Variants in RABGAP1L observed in about 807,000 individuals in gnomAD.
RABGAP1L encodes the protein RAB GTPase activating protein 1 like.
In RABGAP1L, 63 loss-of-function variants were observed where a neutral mutation model predicts 137.7. The observed-to-expected ratio is 0.46, with a 90% CI of 0.37 to 0.56. The LOEUF (loss-of-function observed/expected upper bound fraction) is 0.56, where lower values mean the gene tolerates loss of function less well. RABGAP1L is among the 20% of genes least tolerant of loss of function. RABGAP1L has a pLI of 0.00. For missense variants in RABGAP1L, 1,095 were observed against 1,244.0 expected, an observed-to-expected ratio of 0.88 and a Z score of 1.80; for synonymous variants, 431 against 433.7, an observed-to-expected ratio of 0.99 and a Z score of 0.08.
intron 10 of RABGAP1L, among the ~76,000 whole-genome samples, chr1:174,300,656 T>C (rs1375316176): frequency 6.6e-6 from 1 of 152,082 alleles, no homozygotes; most frequent in Non-Finnish European, 1.5e-5. Flanking sequence ...CTTATGCCTG[T>C]ATTCCTAGCA....
Position 174,514,782 on chromosome 1 carries a change from T to A in RABGAP1L, c.1710+120637T>A, listed in dbSNP as rs115860596. Among the ~76,000 whole-genome samples the A allele has an allele frequency of 2.2e-3, 333 of 152,298 alleles. 1 individual carries two copies. The highest frequency in any genetic ancestry group is 7.6e-3 in the African/African-American group (315 of 41,592). ...CAATTCTTTCTGATGGGTTTTTGAT[T>A]GGATCCAAATTTGCAGGCTGGGCCC... On this transcript the variant is annotated intron_variant, in intron 13 of 25. Coordinates refer to ENST00000681986, the MANE Select transcript of RABGAP1L (RefSeq NM_001366446.1).
At chr1:174,170,916 C>A (rs1665327790) in intron 1 of RABGAP1L, among the ~76,000 whole-genome samples, 1 of 152,128 alleles carries the variant, frequency 6.6e-6, no homozygotes, top group Non-Finnish European at 1.5e-5. Flanking sequence ...CCAAAGAAAT[C>A]TTTGAAATCT....
At chr1:174,254,515 G>A (rs1459367240) in intron 7 of RABGAP1L, among the ~76,000 whole-genome samples, 3 of 152,108 alleles carry the variant, frequency 2.0e-5, no homozygotes, top group Non-Finnish European at 2.9e-5. Flanking sequence ...AGGCCCCGGT[G>A]TATGATGTTA....
chr1:174,162,777 G>GTTTTTTTTTTTTT (rs67811794), intron 1 of RABGAP1L, among the ~76,000 whole-genome samples: 25 of 51,554 alleles, frequency 4.8e-4, no homozygotes, highest in Middle Eastern at 0.019. Context: ...TTCTCTTTCT[G>GTTTTTTTTTTTTT]TTTTTTTTTT....
chr1:174,225,494 C>CTTTTTTTT (rs59323156), intron 3 of RABGAP1L, among the ~76,000 whole-genome samples: 1 of 105,712 alleles, frequency 9.5e-6, no homozygotes, highest in African/African-American at 3.5e-5. Context: ...AGAATGTTGA[C>CTTTTTTTT]TTTTTTTTTT....
chr1:174,206,026 CTT>C (rs1213729663), intron 1 of RABGAP1L, among the ~76,000 whole-genome samples: 1 of 152,164 alleles, frequency 6.6e-6, no homozygotes, highest in Non-Finnish European at 1.5e-5. Context: ...CTAGGGTTTA[CTT>C]TTCTCTCTCA....
chr1:174,894,101 G>A (rs937410365), intron 19 of RABGAP1L, among the ~76,000 whole-genome samples: 1 of 152,088 alleles, frequency 6.6e-6, no homozygotes, highest in Non-Finnish European at 1.5e-5. Context: ...TGATAATTTC[G>A]GATTCCATAT....
chr1:174,710,257 G>A (rs2148550713), intron 17 of RABGAP1L, among the ~76,000 whole-genome samples: 1 of 152,288 alleles, frequency 6.6e-6, no homozygotes, highest in Non-Finnish European at 1.5e-5. Flanking sequence ...TTATCCAGGA[G>A]AACTTCTCCA....
At chr1:174,645,593 C>T (rs1572663301) in intron 14 of RABGAP1L, among the ~76,000 whole-genome samples, 1 of 152,090 alleles carries the variant, frequency 6.6e-6, no homozygotes, top group African/African-American at 2.4e-5. Flanking sequence ...TGTATATGTG[C>T]CACATTTTCT....
chr1:174,229,306 T>A (rs1670439783), intron 3 of RABGAP1L, among the ~76,000 whole-genome samples: 1 of 152,202 alleles, frequency 6.6e-6, no homozygotes, highest in Non-Finnish European at 1.5e-5. Flanking sequence ...AGATAAACTT[T>A]TAGCTGATTT....
intron 1 of RABGAP1L, among the ~76,000 whole-genome samples, chr1:174,167,411 A>G (rs889670356): frequency 1.3e-5 from 2 of 152,232 alleles, no homozygotes; most frequent in Non-Finnish European, 2.9e-5. Context: ...ACATACATAT[A>G]TATTTACATA....
chr1:174,791,061 C>T (rs1223188902), intron 18 of RABGAP1L, among the ~76,000 whole-genome samples: 3 of 151,718 alleles, frequency 2.0e-5, no homozygotes, highest in Non-Finnish European at 4.4e-5. Flanking sequence ...CGTGCTGGCA[C>T]GTGCCTGTAA....
intron 13 of RABGAP1L, among the ~76,000 whole-genome samples, chr1:174,628,771 T>C (rs911532384): frequency 1.3e-5 from 2 of 152,164 alleles, no homozygotes; most frequent in Admixed American, 1.3e-4. Context: ...CGTCTAGATA[T>C]TAGTGAAGTG....
intron 13 of RABGAP1L, among the ~76,000 whole-genome samples, chr1:174,526,751 A>G (rs1312132680): frequency 6.6e-6 from 1 of 151,392 alleles, no homozygotes; most frequent in East Asian, 1.9e-4. Flanking sequence ...TGGTTTATCA[A>G]TTTTTTCTTT....
chr1:174,863,294 C>A (rs114578859), intron 19 of RABGAP1L, among the ~76,000 whole-genome samples: 2,278 of 150,786 alleles, frequency 0.015, 30 homozygotes, highest in Non-Finnish European at 0.023. Context: ...TCCCTTCAAC[C>A]TCTTAGTAAC....
intron 15 of RABGAP1L, among the ~76,000 whole-genome samples, chr1:174,685,221 G>C (rs931849030): frequency 7.9e-5 from 12 of 152,068 alleles, no homozygotes; most frequent in Admixed American, 7.2e-4. Flanking sequence ...GAAGGAAAAA[G>C]TTTAGGAGTT....
chr1:174,575,102 G>T (rs1270204605), intron 13 of RABGAP1L, among the ~76,000 whole-genome samples: 1 of 152,038 alleles, frequency 6.6e-6, no homozygotes, highest in Admixed American at 6.6e-5. Flanking sequence ...GGCTAATTTT[G>T]TATTTTTAGT....
chr1:174,447,892 C>T (rs1456015390), intron 13 of RABGAP1L, among the ~76,000 whole-genome samples: 2 of 35,330 alleles, frequency 5.7e-5, no homozygotes, highest in Non-Finnish European at 1.0e-4. Context: ...CCCTTACCGC[C>T]CCCCCCCCAC....
At position 174,275,880 on chromosome 1, in the gene RABGAP1L, C is replaced by A; in HGVS notation, c.1101C>A (p.Gly367=). 1 of 1,612,992 alleles carries A rather than the reference C, an allele frequency of 6.2e-7. No homozygotes were observed. The highest frequency in any genetic ancestry group is 8.5e-7 in the Non-Finnish European group (1 of 1,179,338). Residue 367 remains glycine (G), a synonymous_variant, in exon 9 of 26, where the codon GGC becomes GGA. Transcript: ENST00000681986. ...ATGGGAGAGCTTATGTCATCACTGG[C>A]ATGTGGAACCCCAATGCACCAGTAT... ...SYDGRAYVIT[G]MWNPNAPVFL...
Sources: allele counts gnomAD v4.1 joint callset (sites outside exome capture counted in the v4.1 genomes callset), GRCh38; gene constraint gnomAD v4.1.1; transcripts MANE v1.5; gene names NCBI Gene and HGNC (gene_info 2026-07-23, HGNC 2026-07-21).